The following UNC5C variants were observed in gnomAD, a reference collection of about 807,000 sequenced individuals.
UNC5C encodes unc-5 netrin receptor C, also known as netrin receptor UNC5C.
Under a neutral mutation model 99.8 loss-of-function variants are expected in UNC5C, and 47 were observed. That is an observed-to-expected ratio of 0.47 (90% CI 0.37 to 0.60). UNC5C has a LOEUF of 0.60. UNC5C is among the 20% of genes least tolerant of loss of function. The pLI is 0.00. For synonymous variants in UNC5C, 487 were observed against 452.2 expected, an observed-to-expected ratio of 1.08 and a Z score of -0.98; for missense variants, 1,062 against 1,165.9, an observed-to-expected ratio of 0.91 and a Z score of 1.30.
rs1553965986 is a variant in UNC5C at position 95,354,468 on chromosome 4, C to CATAT, written c.125-18841_125-18838dup. Among the ~76,000 whole-genome samples, 30 of 98,206 alleles carry CATAT rather than the reference C, an allele frequency of 3.1e-4. 2 individuals are homozygous for CATAT. The highest frequency in any genetic ancestry group is 6.1e-4 in the East Asian group (3 of 4,906). The allele number at this position is 98,206 out of a possible 152,430, so 64.4% of individuals were successfully genotyped here. A position where few individuals can be genotyped will look rare whatever the true frequency, so the allele number is the denominator to read the frequency against. On this transcript the variant is annotated intron_variant, in intron 1 of 15. Transcript: ENST00000453304. ...TCTATCGTATTTTACCTAACTCTTC[C>CATAT]ATATATATATATTTTTTTTTTTTTT... is the stretch of plus-strand genomic sequence containing the variant.
intron 9 of UNC5C, 110 bp downstream of exon 9, chr4:95,218,859 C>T: frequency 1.8e-6 from 2 of 1,084,066 alleles, no homozygotes; most frequent in Non-Finnish European, 2.6e-6. Context: ...CTGGATAGGT[C>T]ACATTTAACA....
chr4:95,515,067 T>G (rs564773311), intron 1 of UNC5C, among the ~76,000 whole-genome samples: 123 of 152,294 alleles, frequency 8.1e-4, no homozygotes, highest in African/African-American at 2.8e-3. Flanking sequence ...CAAAGGACTA[T>G]ATTATTTATA....
intron 1 of UNC5C, among the ~76,000 whole-genome samples, chr4:95,403,993 C>G (rs922500573): frequency 4.6e-5 from 7 of 152,078 alleles, no homozygotes; most frequent in South Asian, 2.1e-4. Flanking sequence ...GATGAACAGT[C>G]AATAGACTCT....
intron 1 of UNC5C, among the ~76,000 whole-genome samples, chr4:95,500,314 T>C (rs185767996): frequency 6.6e-6 from 1 of 152,224 alleles, no homozygotes. Flanking sequence ...ATTTGGTTTC[T>C]TGCCAGACAA....
intron 1 of UNC5C, among the ~76,000 whole-genome samples, chr4:95,360,429 G>A (rs1744352834): frequency 6.6e-6 from 1 of 152,064 alleles, no homozygotes; most frequent in African/African-American, 2.4e-5. Flanking sequence ...ATTGTTAACT[G>A]CTCCACAGAG....
At chr4:95,255,434 T>C (rs1317132690) in intron 4 of UNC5C, among the ~76,000 whole-genome samples, 1 of 152,166 alleles carries the variant, frequency 6.6e-6, no homozygotes, top group Non-Finnish European at 1.5e-5. Context: ...CCTAGATAAC[T>C]ATTTCACACT....
intron 1 of UNC5C, among the ~76,000 whole-genome samples, chr4:95,506,606 G>A (rs923393451): frequency 1.3e-5 from 2 of 151,922 alleles, no homozygotes; most frequent in African/African-American, 4.8e-5. Flanking sequence ...TTTTACAGAG[G>A]CGGGGAAGAA....
chr4:95,517,450 C>T (rs1722246732), intron 1 of UNC5C, among the ~76,000 whole-genome samples: 1 of 152,134 alleles, frequency 6.6e-6, no homozygotes, highest in African/African-American at 2.4e-5. Context: ...CCATCTGTAT[C>T]ATAAACACAT....
chr4:95,538,833 A>G (rs1578216365), intron 1 of UNC5C, among the ~76,000 whole-genome samples: 2 of 152,206 alleles, frequency 1.3e-5, no homozygotes, highest in African/African-American at 4.8e-5. Flanking sequence ...ATATCACTAT[A>G]TCCTGAATAA....
intron 1 of UNC5C, among the ~76,000 whole-genome samples, chr4:95,485,853 G>T (rs1013489039): frequency 4.6e-5 from 7 of 151,532 alleles, no homozygotes; most frequent in Non-Finnish European, 1.0e-4. Flanking sequence ...ACTTTTATGA[G>T]TATTAATAGT....
Position 95,464,729 on chromosome 4 carries a change from T to G in UNC5C, c.124+84005A>C, listed in dbSNP as rs751740765. ...TTTTTGTAAACAAATCACTGTCTTA[T>G]TTTCTTATCATGAGCATGAAAAAAG... On this transcript the variant is annotated intron_variant, in intron 1 of 15. Coordinates refer to ENST00000453304, the MANE Select transcript of UNC5C (RefSeq NM_003728.4). 2.6e-5 allele frequency among the ~76,000 whole-genome samples: 4 copies of G among 152,326 alleles called. No homozygotes were observed. The East Asian group carries it at 7.7e-4, about 29-fold the overall frequency.
At chr4:95,412,767 T>C (rs1746034124) in intron 1 of UNC5C, among the ~76,000 whole-genome samples, 1 of 152,154 alleles carries the variant, frequency 6.6e-6, no homozygotes, top group South Asian at 2.1e-4. Context: ...CAACTGACCC[T>C]GAAGTAGTTT....
intron 13 of UNC5C, among the ~76,000 whole-genome samples, chr4:95,184,017 T>C (rs1179638829): frequency 2.6e-5 from 4 of 152,222 alleles, no homozygotes; most frequent in Non-Finnish European, 5.9e-5. Context: ...TATTTTCTTA[T>C]AATTGTATAA....
At chr4:95,445,010 CAG>C (rs1295781673) in intron 1 of UNC5C, among the ~76,000 whole-genome samples, 1 of 152,096 alleles carries the variant, frequency 6.6e-6, no homozygotes, top group Non-Finnish European at 1.5e-5. Context: ...GCTGTGGAGG[CAG>C]AGTCTTGAGT....
chr4:95,348,035 G>A (rs1743842505), intron 1 of UNC5C, among the ~76,000 whole-genome samples: 1 of 151,930 alleles, frequency 6.6e-6, no homozygotes, highest in African/African-American at 2.4e-5. Flanking sequence ...GTAACTAGAA[G>A]AGATAGGGAG....
chr4:95,430,175 G>A (rs543748923), intron 1 of UNC5C, among the ~76,000 whole-genome samples: 4 of 152,184 alleles, frequency 2.6e-5, no homozygotes, highest in African/African-American at 9.6e-5. Context: ...CGATAATGAT[G>A]TGTCAATGTA....
chr4:95,417,633 T>G (rs921136379), intron 1 of UNC5C, among the ~76,000 whole-genome samples: 3 of 152,174 alleles, frequency 2.0e-5, no homozygotes, highest in Non-Finnish European at 4.4e-5. Context: ...TTGTATTTCC[T>G]TATGCATAAG....
intron 1 of UNC5C, among the ~76,000 whole-genome samples, chr4:95,335,926 C>A (rs1271729719): frequency 6.6e-6 from 1 of 151,850 alleles, no homozygotes; most frequent in Non-Finnish European, 1.5e-5. Context: ...CAATTAAAAA[C>A]CATGATCTTC....
chr4:95,434,466 G>A (rs1746719193), intron 1 of UNC5C, among the ~76,000 whole-genome samples: 1 of 152,026 alleles, frequency 6.6e-6, no homozygotes, highest in African/African-American at 2.4e-5. Flanking sequence ...GAATCGGAGG[G>A]AAAGGAAAAG....
Sources: gnomAD v4.1 joint callset for allele counts (sites outside exome capture counted in the v4.1 genomes callset) on GRCh38, gnomAD v4.1.1 for gene constraint, MANE v1.5 for transcripts, NCBI Gene and HGNC (gene_info 2026-07-23, HGNC 2026-07-21) for gene names.